EXOC5: variants seen among roughly 807,000 people sequenced by gnomAD.
The protein encoded by EXOC5 is SEC10-like 1.
Under a neutral mutation model 90.8 loss-of-function variants are expected in EXOC5, and 17 were observed. The observed-to-expected ratio is 0.19, with a 90% CI of 0.13 to 0.28. The LOEUF (loss-of-function observed/expected upper bound fraction) is 0.28. EXOC5 is among the 10% of genes least tolerant of loss of function. EXOC5 has a pLI of 1.00. For synonymous variants in EXOC5, 260 were observed against 270.0 expected (o/e 0.96, Z 0.36); for missense variants, 569 against 830.6 (o/e 0.69, Z 3.87).
At chr14:57,256,872 C>T (rs1350751388) in intron 1 of EXOC5, among the ~76,000 whole-genome samples, 3 of 152,222 alleles carry the variant, frequency 2.0e-5, no homozygotes, top group African/African-American at 7.2e-5. Context: ...CAGAAGCCAT[C>T]AACACTGCCA....
rs865789525 is a variant in EXOC5, at chr14:57,239,441, T to C, written c.530+154A>G. ...ATAAACTATTTTACACTGCATCTTGTACAAAGTGAATAAACTAGCAAGTAA... is the reference window on the plus strand; with the variant it reads ...ATAAACTATTTTACACTGCATCTTGCACAAAGTGAATAAACTAGCAAGTAA... On this transcript the variant is annotated intron_variant, in intron 5 of 17. Coordinates refer to ENST00000621441, the MANE Select transcript of EXOC5 (RefSeq NM_006544.4). 6.2e-5 allele frequency: 36 copies of C among 581,166 alleles called. No homozygotes were observed. In the Middle Eastern group the frequency reaches 2.3e-3, roughly 37 times the overall value. The allele number at this position is 581,166 out of a possible 1,614,324, so 36.0% of individuals were successfully genotyped here. A position where few individuals can be genotyped will look rare whatever the true frequency, so the allele number is the denominator to read the frequency against.
At chr14:57,268,567 C>T in intron 1 of EXOC5, 55 bp downstream of exon 1, 1 of 1,560,180 alleles carries the variant, frequency 6.4e-7, no homozygotes, top group Non-Finnish European at 8.6e-7. Context: ...GCCCGCCCAC[C>T]CAGCTGCCTG....
At chr14:57,260,209 T>C (rs1001022957) in intron 1 of EXOC5, among the ~76,000 whole-genome samples, 2 of 152,176 alleles carry the variant, frequency 1.3e-5, no homozygotes, top group Admixed American at 1.3e-4. Context: ...TATTGAATAC[T>C]GAGTTTTTAA....
At chr14:57,260,499 T>C (rs1594685168) in intron 1 of EXOC5, among the ~76,000 whole-genome samples, 1 of 152,164 alleles carries the variant, frequency 6.6e-6, no homozygotes, top group Admixed American at 6.5e-5. Flanking sequence ...GATGGTAGTT[T>C]AGAATCTTAC....
intron 9 of EXOC5, chr14:57,233,206 T>C (rs1388757245): frequency 1.3e-5 from 2 of 150,116 alleles, no homozygotes; most frequent in African/African-American, 5.0e-5. Context: ...TTCTAGAGAA[T>C]GACAATACTA....
chr14:57,209,298 A>C (rs1240190539), intron 17 of EXOC5, among the ~76,000 whole-genome samples: 1 of 152,042 alleles, frequency 6.6e-6, no homozygotes, highest in Non-Finnish European at 1.5e-5. Context: ...AAGCTGAGGC[A>C]GCAGATCACT....
rs1321606468 is a variant in EXOC5, at chr14:57,202,611, G to T, written c.*5998C>A. 1 of 152,096 alleles carries T rather than the reference G, an allele frequency of 6.6e-6. No individual in the cohort carries two copies. The highest frequency in any genetic ancestry group is 1.5e-5 in the Non-Finnish European group (1 of 68,018). 9.4% of individuals were successfully genotyped at this position (152,096 alleles called of 1,614,324 possible). ...TAGATTCTTATTAGAGTTGATAAAG[G>T]AATTCAATGTGATATATAACTAAGA... is the stretch of plus-strand genomic sequence containing the variant. On this transcript the variant is annotated 3_prime_UTR_variant, in exon 18 of 18. Coordinates refer to ENST00000621441, the MANE Select transcript of EXOC5 (RefSeq NM_006544.4).
At chr14:57,249,155 T>C (rs1884112141) in intron 1 of EXOC5, among the ~76,000 whole-genome samples, 1 of 152,152 alleles carries the variant, frequency 6.6e-6, no homozygotes, top group South Asian at 2.1e-4. Context: ...TTTATCATAT[T>C]CAATATGTAC....
chr14:57,232,856 A>T, intron 9 of EXOC5, 107 bp from the exon 10 acceptor site: 1 of 530,786 alleles, frequency 1.9e-6, no homozygotes. Context: ...AACCTTTCTG[A>T]CTTACAATCC....
At chr14:57,244,121 GT>G (rs1566501231) in intron 4 of EXOC5, 43 bp downstream of exon 4, 6 of 1,334,344 alleles carry the variant, frequency 4.5e-6, no homozygotes, top group Admixed American at 1.8e-5. Flanking sequence ...TTAGGGCACT[GT>G]TATTAATGCT....
intron 13 of EXOC5, among the ~76,000 whole-genome samples, chr14:57,221,011 A>G (rs1339230731): frequency 6.6e-6 from 1 of 152,200 alleles, no homozygotes; most frequent in Non-Finnish European, 1.5e-5. Flanking sequence ...GGTGGCAGAC[A>G]TTAACAGATA....
At chr14:57,261,084 C>G (rs536217274) in intron 1 of EXOC5, among the ~76,000 whole-genome samples, 45 of 152,278 alleles carry the variant, frequency 3.0e-4, no homozygotes, top group South Asian at 1.4e-3. Flanking sequence ...GAAGTAACAT[C>G]AGAAAAGTTT....
intron 1 of EXOC5, among the ~76,000 whole-genome samples, chr14:57,267,664 G>GT (rs776907893): frequency 8.6e-5 from 13 of 151,898 alleles, no homozygotes; most frequent in East Asian, 1.9e-4. Context: ...TGCTTTATAC[G>GT]TGTCATTGTT....
At chr14:57,209,492 T>C (rs1050018071) in intron 17 of EXOC5, 75 bp downstream of exon 17, 2 of 766,020 alleles carry the variant, frequency 2.6e-6, no homozygotes, top group African/African-American at 1.8e-5. Flanking sequence ...TAATTATAAG[T>C]AAATAGTGAT....
chr14:57,246,940 C>T, intron 2 of EXOC5, 82 bp from the exon 3 acceptor site: 1 of 772,162 alleles, frequency 1.3e-6, no homozygotes, highest in Non-Finnish European at 2.0e-6. Flanking sequence ...TAATCATAGT[C>T]TTAATAAGAA....
At chr14:57,228,663 C>A (rs1941718536) in intron 12 of EXOC5, among the ~76,000 whole-genome samples, 1 of 144,078 alleles carries the variant, frequency 6.9e-6, no homozygotes, top group Non-Finnish European at 1.5e-5. Context: ...AATGAGAACA[C>A]ATGGACACAG....
intron 15 of EXOC5, among the ~76,000 whole-genome samples, chr14:57,210,746 G>C (rs895856418): frequency 2.0e-5 from 3 of 151,954 alleles, no homozygotes; most frequent in African/African-American, 7.3e-5. Flanking sequence ...TCACACATAA[G>C]TACTTAACAG....
chr14:57,248,936 A>T (rs1884105468), intron 1 of EXOC5, among the ~76,000 whole-genome samples: 1 of 152,116 alleles, frequency 6.6e-6, no homozygotes, highest in Admixed American at 6.5e-5. Context: ...TGCGAATCTA[A>T]AGATTTTTAA....
At chr14:57,217,941 T>C (rs1327400415) in intron 15 of EXOC5, 41 bp downstream of exon 15, 5 of 1,001,822 alleles carry the variant, frequency 5.0e-6, no homozygotes, top group Middle Eastern at 4.1e-4. Flanking sequence ...ATGGTGTTTT[T>C]ATAATTTAAA....
Sources: gnomAD v4.1 joint callset for allele counts (sites outside exome capture counted in the v4.1 genomes callset) on GRCh38, gnomAD v4.1.1 for gene constraint, MANE v1.5 for transcripts, NCBI Gene and HGNC (gene_info 2026-07-23, HGNC 2026-07-21) for gene names.